The following SYNE1 variants were observed in gnomAD, a reference collection of about 807,000 sequenced individuals.
The protein encoded by SYNE1 is nesprin-1.
Under a neutral mutation model 1,111.0 loss-of-function variants are expected in SYNE1, and 616 were observed. The observed-to-expected ratio is 0.55, with a 90% CI of 0.52 to 0.59. SYNE1 has a LOEUF of 0.59. Among genes scored for constraint, SYNE1 ranks in the 20% least tolerant of loss-of-function variants. The pLI, the probability that SYNE1 is intolerant of heterozygous loss-of-function variation, is 0.00. For synonymous variants in SYNE1, 3,855 were observed against 3,825.8 expected (o/e 1.01, Z -0.28); for missense variants, 10,006 against 10,417.0 (o/e 0.96, Z 1.72).
rs1357289004 is a variant in SYNE1, at chr6:152,189,018, T to A, written c.23301+234A>T. Reference sequence around the variant, plus strand: ...ATATATATATATATATATATATATATAAAATGCCAGCCAGCAAAAGTGAAA... The same window carrying A: ...ATATATATATATATATATATATATAAAAAATGCCAGCCAGCAAAAGTGAAA... On this transcript the variant is annotated intron_variant, in intron 128 of 145. Transcript: ENST00000367255. Among the ~76,000 whole-genome samples the A allele has an allele frequency of 9.8e-4, 96 of 98,292 alleles. 1 individual carries two copies. The highest frequency in any genetic ancestry group is 3.6e-3 in the African/African-American group (90 of 25,284). The allele number at this position is 98,292 out of a possible 152,430, so 64.5% of individuals were successfully genotyped here. A position where few individuals can be genotyped will look rare whatever the true frequency, so the allele number is the denominator to read the frequency against.
In SYNE1 at chr6:152,441,192, G is replaced by T. The variant is rs886044504; in HGVS notation, c.4087C>A (p.His1363Asn). The change falls in exon 32 of 146, where the codon CAT becomes AAT. Residue 1363 changes from histidine (H) to asparagine (N), a missense_variant. Physicochemically the swap from His to Asn is moderately conservative, Grantham distance 68 (BLOSUM62 1). This residue lies in a region of SYNE1 where 1,971 missense variants were observed against 2,084.1 expected (regional missense o/e 0.95). Transcript: ENST00000367255. Reference protein sequence around the residue: ...VRYLFQTGSSHERFLSFSSLE... With the variant: ...VRYLFQTGSSNERFLSFSSLE... ...CTGCTAAAACTCAAGAAGCGTTCAT[G>T]ACTGGAACCTGTTTGAAAAAGGTAT... is the stretch of plus-strand genomic sequence containing the variant. 5 of 1,613,332 alleles carry T rather than the reference G, an allele frequency of 3.1e-6. No homozygotes were observed. The highest frequency in any genetic ancestry group is 4.2e-6 in the Non-Finnish European group (5 of 1,179,664).
intron 5 of SYNE1, among the ~76,000 whole-genome samples, chr6:152,522,273 T>C (rs899059797): frequency 1.3e-5 from 2 of 152,118 alleles, no homozygotes; most frequent in South Asian, 4.1e-4. Context: ...CGTGTACCCA[T>C]AGCTTAGCTC....
intron 66 of SYNE1, among the ~76,000 whole-genome samples, chr6:152,355,779 C>T (rs2096826447): frequency 6.6e-6 from 1 of 152,134 alleles, no homozygotes; most frequent in Non-Finnish European, 1.5e-5. Context: ...ATCCCATCAA[C>T]AATGTTAAAA....
chr6:152,431,472 A>C (rs2098427267), intron 34 of SYNE1, among the ~76,000 whole-genome samples: 1 of 152,216 alleles, frequency 6.6e-6, no homozygotes, highest in Non-Finnish European at 1.5e-5. Context: ...AACATCTGAA[A>C]AATACTGATA....
chr6:152,214,522 T>A (rs1209023318), intron 122 of SYNE1, among the ~76,000 whole-genome samples: 1 of 152,216 alleles, frequency 6.6e-6, no homozygotes. Context: ...TCGTGGTGAA[T>A]GTTGGTAGTA....
intron 130 of SYNE1, among the ~76,000 whole-genome samples, chr6:152,167,082 G>C (rs1563166823): frequency 6.6e-6 from 1 of 152,060 alleles, no homozygotes; most frequent in Non-Finnish European, 1.5e-5. Context: ...CACATGTCTG[G>C]GTAAGTTTAG....
intron 11 of SYNE1, among the ~76,000 whole-genome samples, chr6:152,490,976 A>G (rs1018572638): frequency 6.6e-6 from 1 of 152,172 alleles, no homozygotes; most frequent in Non-Finnish European, 1.5e-5. Context: ...TCTCTAATAG[A>G]GACAAAGGAG....
At chr6:152,402,238 C>CT (rs896670914) in intron 46 of SYNE1, among the ~76,000 whole-genome samples, 1 of 152,108 alleles carries the variant, frequency 6.6e-6, no homozygotes, top group African/African-American at 2.4e-5. Flanking sequence ...GTTTTTCTGA[C>CT]TTTTTTCATG....
intron 78 of SYNE1, among the ~76,000 whole-genome samples, chr6:152,328,496 C>G (rs1005412819): frequency 4.6e-5 from 7 of 151,696 alleles, no homozygotes; most frequent in African/African-American, 1.7e-4. Flanking sequence ...ACCTCTGCCT[C>G]CTGGGTTTAA....
chr6:152,148,057 C>G lies in SYNE1; in HGVS notation c.24964G>C (p.Val8322Leu). The change falls in exon 137 of 146, where the codon GTT becomes CTT. Residue 8322 changes from valine (V) to leucine (L), a missense_variant. Physicochemically the swap from Val to Leu is conservative, Grantham distance 32 (BLOSUM62 1). Around this residue, in one of 7 missense-constraint regions of SYNE1, gnomAD observed 761 missense variants for 795.5 expected, o/e 0.96. Coordinates refer to ENST00000367255, the MANE Select transcript of SYNE1 (RefSeq NM_182961.4). This position sits in a 1 kb window ranked among gnomAD's most constrained non-coding sequence, Gnocchi z 4.1. The part of the protein sequence containing the change: ...DDKDFYLRGA[V>L]GLSGDHSALE... The stretch of plus-strand genomic sequence containing the variant: ...GGCTCTTTCCTACCTGATAAGCCAA[C>G]AGCTCCCCGGAGGTAGAAATCTTTG... 1 of 1,613,992 alleles carries G rather than the reference C, an allele frequency of 6.2e-7. No individual in the cohort carries two copies. Among genetic ancestry groups the G allele is most frequent in the African/African-American group, 1.3e-5 (1 of 75,052 alleles).
intron 32 of SYNE1, among the ~76,000 whole-genome samples, chr6:152,440,129 G>C (rs1254442621): frequency 2.0e-5 from 3 of 152,002 alleles, no homozygotes; most frequent in Non-Finnish European, 4.4e-5. Flanking sequence ...CACATCTTTT[G>C]TATCTGTTTC....
intron 3 of SYNE1, among the ~76,000 whole-genome samples, chr6:152,582,515 A>G (rs1385137355): frequency 6.6e-6 from 1 of 151,880 alleles, no homozygotes; most frequent in African/African-American, 2.4e-5. Context: ...TATTACATAT[A>G]CATGTTGCCA....
chr6:152,531,752 C>G (rs989260916), intron 4 of SYNE1, among the ~76,000 whole-genome samples: 9 of 152,212 alleles, frequency 5.9e-5, no homozygotes, highest in Non-Finnish European at 1.3e-4. Context: ...CACACAGTAT[C>G]TGTCATTTTG....
At position 152,353,263 on chromosome 6, in the gene SYNE1, C is replaced by T; in HGVS notation, c.11253G>A (p.Glu3751=). The T allele has an allele frequency of 1.9e-6, 3 of 1,614,130 alleles. No individual in the cohort carries two copies. The highest frequency in any genetic ancestry group is 2.5e-6 in the Non-Finnish European group (3 of 1,180,016). ...ACAAATCTGAAGTATGCGTGCCTAC[C>T]TCCAACGTCTTCAATTTCTTCCCCA... ...VMMGKKLKTL[E]VLLKDMEKGH... is the part of the protein sequence containing the mutation. Residue 3751 remains glutamate (E), a splice_region_variant and synonymous_variant, in exon 69 of 146, where the codon GAG becomes GAA. Transcript: ENST00000367255.
chr6:152,433,517 G>C (rs1592608388), intron 34 of SYNE1: 3 of 450,342 alleles, frequency 6.7e-6, no homozygotes, highest in East Asian at 8.4e-5. Flanking sequence ...CAAAATCAAG[G>C]AAAAGAATTA....
intron 76 of SYNE1, chr6:152,335,364 A>G (rs2096360855): frequency 6.6e-6 from 1 of 152,270 alleles, no homozygotes; most frequent in African/African-American, 2.4e-5. Context: ...TGGTAGTATC[A>G]TAAGTGATTG....
intron 4 of SYNE1, among the ~76,000 whole-genome samples, chr6:152,536,416 TA>T (rs1256718725): frequency 1.5e-5 from 2 of 135,492 alleles, no homozygotes; most frequent in African/African-American, 5.5e-5. Flanking sequence ...TATAGTAATA[TA>T]TATATTTATA....
intron 96 of SYNE1, among the ~76,000 whole-genome samples, chr6:152,283,150 G>C (rs1043566677): frequency 1.3e-5 from 2 of 152,224 alleles, no homozygotes; most frequent in Admixed American, 6.5e-5. Context: ...AATAAAAAAG[G>C]AAGATAGCTG....
At chr6:152,477,527 C>A (rs1208673497) in intron 14 of SYNE1, among the ~76,000 whole-genome samples, 1 of 152,176 alleles carries the variant, frequency 6.6e-6, no homozygotes, top group Non-Finnish European at 1.5e-5. Context: ...TTGATGTCAT[C>A]TTTTCAATGA....
Sources: allele counts gnomAD v4.1 joint callset (sites outside exome capture counted in the v4.1 genomes callset), GRCh38; gene constraint gnomAD v4.1.1; regional missense constraint gnomAD v4.1.1; non-coding constraint Gnocchi (gnomAD v3.1); transcripts MANE v1.5; gene names NCBI Gene and HGNC (gene_info 2026-07-23, HGNC 2026-07-21).